SCARA3: variants seen among roughly 807,000 people sequenced by gnomAD.
SCARA3 encodes the protein scavenger receptor class A member 3, also known as cellular stress response gene protein.
Under a neutral mutation model 47.0 loss-of-function variants are expected in SCARA3, and 39 were observed. That is an observed-to-expected ratio of 0.83 (90% CI 0.64 to 1.08). The LOEUF (loss-of-function observed/expected upper bound fraction) is 1.08, where lower values mean the gene tolerates loss of function less well. Ranked by LOEUF, SCARA3 falls within the 50% of genes least tolerant of loss-of-function variation. The pLI is 0.00. For synonymous variants in SCARA3, 356 were observed against 334.1 expected, an observed-to-expected ratio of 1.07 and a Z score of -0.71; for missense variants, 724 against 792.3, an observed-to-expected ratio of 0.91 and a Z score of 1.04.
intron 5 of SCARA3, among the ~76,000 whole-genome samples, chr8:27,665,113 A>C (rs3824098): frequency 0.1 from 15,861 of 152,240 alleles, 949 homozygotes; most frequent in East Asian, 0.27. Context: ...GAGGGATTGC[A>C]GCGGCTGGAG....
chr8:27,727,943 C>G, the SCARA3 span, among the ~76,000 whole-genome samples: 1 of 152,178 alleles, frequency 6.6e-6, no homozygotes, highest in Non-Finnish European at 1.5e-5. Flanking sequence ...CTCCACTCTT[C>G]CAATCCTACT....
chr8:27,690,762 C>G, the SCARA3 span, among the ~76,000 whole-genome samples: 1 of 152,110 alleles, frequency 6.6e-6, no homozygotes, highest in Non-Finnish European at 1.5e-5. Flanking sequence ...GTGGCAAGAT[C>G]ATAGCTCACT....
At chr8:27,641,312 A>G (rs1327060983) in intron 1 of SCARA3, among the ~76,000 whole-genome samples, 1 of 152,254 alleles carries the variant, frequency 6.6e-6, no homozygotes, top group Non-Finnish European at 1.5e-5. Flanking sequence ...TTTGAAGTGT[A>G]GGCATCTGGA....
chr8:27,690,056 A>G, the SCARA3 span, among the ~76,000 whole-genome samples: 1 of 152,192 alleles, frequency 6.6e-6, no homozygotes, highest in Non-Finnish European at 1.5e-5. Flanking sequence ...CTTTTCCAGT[A>G]TTAGAGTACC....
chr8:27,675,980 G>A (rs1005363993), downstream of SCARA3, among the ~76,000 whole-genome samples: 2 of 152,114 alleles, frequency 1.3e-5, no homozygotes, highest in African/African-American at 4.8e-5. Flanking sequence ...AGCCACAGGT[G>A]TAGGAGATAT....
the SCARA3 span, among the ~76,000 whole-genome samples, chr8:27,682,744 T>C: frequency 6.6e-6 from 1 of 152,320 alleles, no homozygotes; most frequent in East Asian, 1.9e-4. Context: ...GTAAAGCAAC[T>C]GAAACTCTCA....
downstream of SCARA3, among the ~76,000 whole-genome samples, chr8:27,681,771 G>C (rs1042657715): frequency 2.6e-5 from 4 of 152,172 alleles, no homozygotes; most frequent in African/African-American, 4.8e-5. Context: ...AAGCATTGCT[G>C]AAAGAAATTT....
chr8:27,657,134 A>T (rs1390280855), intron 4 of SCARA3, among the ~76,000 whole-genome samples: 3 of 152,220 alleles, frequency 2.0e-5, no homozygotes, highest in Non-Finnish European at 4.4e-5. Flanking sequence ...ACAGGCAGAG[A>T]AGGAAGCCAA....
the SCARA3 span, among the ~76,000 whole-genome samples, chr8:27,717,791 A>T: frequency 6.6e-6 from 1 of 152,200 alleles, no homozygotes; most frequent in Non-Finnish European, 1.5e-5. Flanking sequence ...TCTCAAAAAA[A>T]GAAGAAGAAA....
intron 5 of SCARA3, among the ~76,000 whole-genome samples, chr8:27,664,422 G>A (rs1801972796): frequency 1.3e-5 from 2 of 152,196 alleles, no homozygotes; most frequent in African/African-American, 4.8e-5. Flanking sequence ...AGTAATCTGA[G>A]GATGGGGGAG....
the SCARA3 span, among the ~76,000 whole-genome samples, chr8:27,718,394 A>C: frequency 1.3e-5 from 2 of 152,390 alleles, no homozygotes; most frequent in Admixed American, 6.5e-5. Flanking sequence ...ATTGAAAAAA[A>C]CAGTCCCCAA....
At chr8:27,687,424 C>T in the SCARA3 span, among the ~76,000 whole-genome samples, 2 of 151,946 alleles carry the variant, frequency 1.3e-5, no homozygotes, top group Admixed American at 1.3e-4. Flanking sequence ...ATAAAAGACC[C>T]TGGGTAGAGG....
chr8:27,715,632 T>C, the SCARA3 span, among the ~76,000 whole-genome samples: 32,336 of 150,088 alleles, frequency 0.22, 3,595 homozygotes, highest in South Asian at 0.28. This position sits in a 1 kb window ranked among gnomAD's most constrained non-coding sequence, Gnocchi z 4.2. Flanking sequence ...GATAGATAGA[T>C]AGACACACAC....
the SCARA3 span, among the ~76,000 whole-genome samples, chr8:27,715,702 G>T: frequency 5.9e-5 from 9 of 151,834 alleles, no homozygotes; most frequent in Admixed American, 3.9e-4. This position sits in a 1 kb window ranked among gnomAD's most constrained non-coding sequence, Gnocchi z 4.2. Context: ...ATAGACACAG[G>T]CAGACAGAAA....
downstream of SCARA3, chr8:27,676,792 T>A (rs1422283103): frequency 2.2e-6 from 1 of 462,384 alleles, no homozygotes; most frequent in African/African-American, 2.0e-5. Context: ...ATGTTTATTT[T>A]ACTAAGGGGG....
At chr8:27,638,904 G>A (rs992612327) in intron 1 of SCARA3, among the ~76,000 whole-genome samples, 3 of 152,122 alleles carry the variant, frequency 2.0e-5, no homozygotes, top group Non-Finnish European at 4.4e-5. Flanking sequence ...ATGCGTCCTC[G>A]GTTTCAGCCA....
the SCARA3 span, chr8:27,702,463 C>G: frequency 1.3e-5 from 2 of 152,276 alleles, no homozygotes; most frequent in African/African-American, 4.8e-5. Context: ...TCAACACAAA[C>G]AGCCTTCAGG....
the SCARA3 span, chr8:27,702,953 A>G: frequency 6.6e-6 from 1 of 152,412 alleles, no homozygotes; most frequent in Non-Finnish European, 1.5e-5. Context: ...CCAGCTCCCA[A>G]ACAGAAAGTG....
At chr8:27,698,918 T>A in the SCARA3 span, among the ~76,000 whole-genome samples, 1 of 152,230 alleles carries the variant, frequency 6.6e-6, no homozygotes, top group South Asian at 2.1e-4. Context: ...TATATATATA[T>A]CTCATGTTCA....
Sources: allele counts gnomAD v4.1 joint callset (sites outside exome capture counted in the v4.1 genomes callset), GRCh38; gene constraint gnomAD v4.1.1; non-coding constraint Gnocchi (gnomAD v3.1); transcripts MANE v1.5; gene names NCBI Gene and HGNC (gene_info 2026-07-23, HGNC 2026-07-21).